Variants in NHS observed in about 807,000 individuals in gnomAD.
NHS encodes actin remodeling regulator NHS.
NHS carries 5 observed loss-of-function variants against 72.5 expected under a neutral mutation model. The ratio of observed to expected loss-of-function variants is 0.07; its 90% CI spans 0.04 to 0.14. The LOEUF is 0.14. NHS is among the 10% of genes least tolerant of loss of function. NHS has a pLI of 1.00. For synonymous variants in NHS, 464 were observed against 547.7 expected, an observed-to-expected ratio of 0.85 and a Z score of 2.13; for missense variants, 1,072 against 1,355.7, an observed-to-expected ratio of 0.79 and a Z score of 3.29.
intron 1 of NHS, among the ~76,000 whole-genome samples, chrX:17,458,490 A>G (rs903892270): frequency 9.1e-6 from 1 of 109,971 alleles, no homozygotes; most frequent in Non-Finnish European, 1.9e-5. Context: ...CGGCCTCCCA[A>G]AGTGCTGGGA....
chrX:17,480,032 G>T (rs1240825160), intron 1 of NHS, among the ~76,000 whole-genome samples: 3 of 111,386 alleles, frequency 2.7e-5, no homozygotes. Context: ...ATTTGCAATT[G>T]CTACAAAGAG....
chrX:17,607,789 T>C (rs946507283), intron 1 of NHS, among the ~76,000 whole-genome samples: 2 of 110,682 alleles, frequency 1.8e-5, no homozygotes, highest in Non-Finnish European at 3.8e-5. Flanking sequence ...AATATAAATA[T>C]AAATATATGT....
chrX:17,723,770 T>TGTGTGTGTGTGTGTGTGCGC (rs541219770), intron 5 of NHS, among the ~76,000 whole-genome samples: 5 of 91,315 alleles, frequency 5.5e-5, no homozygotes, highest in Admixed American at 1.1e-4. Flanking sequence ...TGTGTGTGTG[T>TGTGTGTGTGTGTGTGTGCGC]GCGCGCGCGT....
intron 1 of NHS, among the ~76,000 whole-genome samples, chrX:17,655,622 A>G (rs1344514433): frequency 8.9e-6 from 1 of 112,797 alleles, no homozygotes; most frequent in East Asian, 2.8e-4. Context: ...GCATTGGTGC[A>G]GCCGTGCCTT....
Position 17,726,403 on chromosome X carries a change from C to T in NHS, c.2297C>T (p.Ser766Phe), listed in dbSNP as rs765508323. The T allele has an allele frequency of 5.8e-6, 7 of 1,210,676 alleles. No individual in the cohort carries two copies. The East Asian group carries it at 1.8e-4, about 31-fold the overall frequency. The part of the protein sequence containing the change: ...MATYDSFLEK[S>F]PSDKADTSSH... ...ACTTATGACAGCTTTCTGGAAAAGT[C>T]TCCATCAGACAAAGCGGACACTAGC... is the stretch of plus-strand genomic sequence containing the variant. Residue 766 changes from serine to phenylalanine, a missense_variant, in exon 7 of 9, where the codon TCT becomes TTT. Transcript: ENST00000676302.
intron 3 of NHS, among the ~76,000 whole-genome samples, chrX:17,701,711 G>A (rs913826398): frequency 1.8e-5 from 2 of 110,898 alleles, no homozygotes; most frequent in Admixed American, 9.6e-5. Flanking sequence ...GGAGTGAACT[G>A]AGGTGGCTGG....
At chrX:17,592,016 G>A (rs2065605206) in intron 1 of NHS, among the ~76,000 whole-genome samples, 1 of 111,036 alleles carries the variant, frequency 9.0e-6, no homozygotes, top group Non-Finnish European at 1.9e-5. Context: ...ACTGATGTGT[G>A]TGTGTGTGTG....
chrX:17,400,175 C>T (rs1443970511), intron 1 of NHS, among the ~76,000 whole-genome samples: 1 of 111,560 alleles, frequency 9.0e-6, no homozygotes, highest in East Asian at 2.8e-4. Flanking sequence ...CTAAGGAATC[C>T]ACAAAAATTA....
chrX:17,620,964 C>G (rs1215059835), intron 1 of NHS, among the ~76,000 whole-genome samples: 2 of 111,563 alleles, frequency 1.8e-5, no homozygotes, highest in African/African-American at 6.5e-5. Context: ...TTTCCAGAGT[C>G]TGGATTTAAG....
At chrX:17,479,950 G>T (rs2064939300) in intron 1 of NHS, among the ~76,000 whole-genome samples, 1 of 111,672 alleles carries the variant, frequency 9.0e-6, no homozygotes, top group African/African-American at 3.3e-5. Flanking sequence ...CCATGTTTTA[G>T]TCATGAAGTC....
At chrX:17,543,793 T>C (rs888151377) in intron 1 of NHS, among the ~76,000 whole-genome samples, 1 of 111,847 alleles carries the variant, frequency 8.9e-6, no homozygotes, top group Non-Finnish European at 1.9e-5. Flanking sequence ...GGGATTTTGC[T>C]CCCTTTTCCA....
chrX:17,490,524 G>A lies in NHS; in HGVS notation c.565+114202G>A, dbSNP rs1021767055. On this transcript the variant is annotated intron_variant, in intron 1 of 8. Transcript: ENST00000676302. ...CCAGTAGCATGCTGTTTTGATTACC[G>A]TAGCCTTGTAGTATAGTTTGAAGTC... 8.0e-5 allele frequency among the ~76,000 whole-genome samples: 9 copies of A among 112,191 alleles called. No individual in the cohort carries two copies. In the East Asian group the frequency reaches 1.4e-3, roughly 17 times the overall value.
chrX:17,510,087 G>A (rs1466846967), intron 1 of NHS, among the ~76,000 whole-genome samples: 6 of 112,407 alleles, frequency 5.3e-5, no homozygotes, highest in Non-Finnish European at 9.4e-5. Flanking sequence ...GTTTATCCCC[G>A]ACAGTTGTTC....
chrX:17,541,956 T>A (rs2065266408), intron 1 of NHS, among the ~76,000 whole-genome samples: 1 of 111,956 alleles, frequency 8.9e-6, no homozygotes, highest in Non-Finnish European at 1.9e-5. Flanking sequence ...GCTTAGCTCT[T>A]GCCCTTCTCT....
At chrX:17,523,165 T>C (rs888492428) in intron 1 of NHS, among the ~76,000 whole-genome samples, 1 of 111,479 alleles carries the variant, frequency 9.0e-6, no homozygotes, top group Non-Finnish European at 1.9e-5. Flanking sequence ...ATATGGTGAG[T>C]AGGGGTGGTA....
At chrX:17,665,646 GT>G (rs1469962003) in intron 1 of NHS, among the ~76,000 whole-genome samples, 5 of 111,292 alleles carry the variant, frequency 4.5e-5, no homozygotes, top group African/African-American at 1.6e-4. Flanking sequence ...CTGTCATCAG[GT>G]TTCCATATTA....
At chrX:17,538,152 G>C (rs980768149) in intron 1 of NHS, among the ~76,000 whole-genome samples, 1 of 111,956 alleles carries the variant, frequency 8.9e-6, no homozygotes, top group Non-Finnish European at 1.9e-5. Flanking sequence ...CAGATTTCAG[G>C]TTTGTGCATT....
chrX:17,578,099 A>T (rs1240038599), intron 1 of NHS, among the ~76,000 whole-genome samples: 1 of 112,353 alleles, frequency 8.9e-6, no homozygotes, highest in Non-Finnish European at 1.9e-5. Context: ...TTTGTTAAAT[A>T]TGTAGTAAGC....
intron 1 of NHS, among the ~76,000 whole-genome samples, chrX:17,436,678 C>T (rs2064724903): frequency 9.2e-6 from 1 of 108,856 alleles, no homozygotes; most frequent in South Asian, 4.1e-4. Flanking sequence ...CTGCAGGGGA[C>T]CAGCTGTGGC....
Sources: gnomAD v4.1 joint callset for allele counts (sites outside exome capture counted in the v4.1 genomes callset) on GRCh38, gnomAD v4.1.1 for gene constraint, MANE v1.5 for transcripts, NCBI Gene and HGNC (gene_info 2026-07-23, HGNC 2026-07-21) for gene names.